EDA: variants seen among roughly 807,000 people sequenced by gnomAD.
EDA encodes the protein ectodysplasin-A.
EDA carries 2 observed loss-of-function variants against 23.6 expected under a neutral mutation model. The ratio of observed to expected loss-of-function variants is 0.08; its 90% CI spans 0.03 to 0.27. EDA has a LOEUF of 0.27. Ranked by LOEUF, EDA falls within the 10% of genes least tolerant of loss-of-function variation. The pLI is 1.00. For synonymous variants in EDA, 131 were observed against 132.0 expected (o/e 0.99, Z 0.05); for missense variants, 229 against 324.2 (o/e 0.71, Z 2.26).
intron 1 of EDA, among the ~76,000 whole-genome samples, chrX:69,829,578 T>A (rs779574360): frequency 6.2e-5 from 7 of 112,022 alleles, no homozygotes; most frequent in South Asian, 3.7e-4. Context: ...TGTATGTGAG[T>A]GCTTGGTTAC....
At chrX:69,799,531 C>A (rs1358020032) in intron 1 of EDA, among the ~76,000 whole-genome samples, 1 of 110,025 alleles carries the variant, frequency 9.1e-6, no homozygotes, top group Non-Finnish European at 1.9e-5. Context: ...ATGATCTTAT[C>A]AAAAATGGGC....
chrX:69,921,874 A>G (rs1001264565), intron 1 of EDA, among the ~76,000 whole-genome samples: 2 of 111,370 alleles, frequency 1.8e-5, no homozygotes, highest in African/African-American at 3.3e-5. Context: ...TGAAAAATGC[A>G]TAGTGTTGTA....
At chrX:70,020,234 T>C (rs957356870) in intron 2 of EDA, among the ~76,000 whole-genome samples, 2 of 111,650 alleles carry the variant, frequency 1.8e-5, no homozygotes, top group Admixed American at 1.9e-4. Flanking sequence ...TGACACATCC[T>C]AAAAAACCTT....
intron 1 of EDA, among the ~76,000 whole-genome samples, chrX:69,675,682 G>A (rs1482393275): frequency 9.0e-6 from 1 of 111,137 alleles, no homozygotes; most frequent in Non-Finnish European, 1.9e-5. Flanking sequence ...AGATATAGCA[G>A]TGAACATAAC....
chrX:69,891,907 C>G (rs1288098833), intron 1 of EDA, among the ~76,000 whole-genome samples: 1 of 110,680 alleles, frequency 9.0e-6, no homozygotes, highest in Admixed American at 9.6e-5. Context: ...TGCACATGTA[C>G]CCCTGAACTT....
intron 1 of EDA, among the ~76,000 whole-genome samples, chrX:69,785,887 C>A (rs1159912822): frequency 9.1e-6 from 1 of 109,479 alleles, no homozygotes; most frequent in Admixed American, 9.8e-5. Flanking sequence ...CCTCCTTGTA[C>A]CTCTGGTAGA....
At chrX:69,821,413 G>T (rs1167179115) in intron 1 of EDA, among the ~76,000 whole-genome samples, 1 of 109,422 alleles carries the variant, frequency 9.1e-6, no homozygotes. Context: ...AAAAGCTGAA[G>T]AAAAAAAATA....
chrX:69,663,050 G>T (rs1373728521), intron 1 of EDA, among the ~76,000 whole-genome samples: 2 of 112,484 alleles, frequency 1.8e-5, no homozygotes, highest in Non-Finnish European at 3.7e-5. Flanking sequence ...AAGGGAAGCA[G>T]AGCATAAAAG....
chrX:69,937,835 T>C lies in EDA; in HGVS notation c.397-19192T>C, dbSNP rs61741682. 5.7e-3 allele frequency: 6,817 copies of C among 1,195,151 alleles called. 255 individuals are homozygous for C. In the African/African-American group the frequency reaches 0.11, roughly 18 times the overall value. ...CTACATTACACCGCAATAGTTGGTA[T>C]TGATAGTCAGCATTGCTCCTGAATC... is the stretch of plus-strand genomic sequence containing the variant. On this transcript the variant is annotated intron_variant, in intron 1 of 7. Coordinates refer to ENST00000374552, the MANE Select transcript of EDA (RefSeq NM_001399.5).
At chrX:69,851,144 C>A (rs1216918367) in intron 1 of EDA, among the ~76,000 whole-genome samples, 2 of 83,624 alleles carry the variant, frequency 2.4e-5, no homozygotes, top group Non-Finnish European at 4.8e-5. Flanking sequence ...GTCACAAAAT[C>A]TAGATCAAGG....
At chrX:69,694,035 T>C (rs1330616159) in intron 1 of EDA, among the ~76,000 whole-genome samples, 2 of 111,997 alleles carry the variant, frequency 1.8e-5, no homozygotes, top group Admixed American at 9.5e-5. Flanking sequence ...ACATTGGTTA[T>C]AAACCATTTT....
intron 1 of EDA, among the ~76,000 whole-genome samples, chrX:69,867,665 C>T (rs1052351209): frequency 1.8e-5 from 2 of 112,401 alleles, no homozygotes; most frequent in Non-Finnish European, 3.8e-5. Context: ...TCAGGTGGTG[C>T]CTGCATATCA....
chrX:69,647,876 G>T (rs753435360), intron 1 of EDA, among the ~76,000 whole-genome samples: 4 of 111,720 alleles, frequency 3.6e-5, no homozygotes, highest in East Asian at 2.8e-4. Flanking sequence ...TTTTTGTGGG[G>T]TTTTTTGTTG....
chrX:70,033,624 A>T, intron 7 of EDA, 96 bp downstream of exon 7: 121 of 882,955 alleles, frequency 1.4e-4, no homozygotes, highest in Middle Eastern at 7.9e-4. Flanking sequence ...AGACCATCCA[A>T]TGGCTAACTT....
intron 1 of EDA, among the ~76,000 whole-genome samples, chrX:69,805,008 A>T (rs951200232): frequency 1.8e-5 from 2 of 111,452 alleles, no homozygotes; most frequent in African/African-American, 6.5e-5. Flanking sequence ...ATAAAGTAGC[A>T]CTTTCAGGAC....
At chrX:69,979,018 C>T (rs1297311945) in intron 2 of EDA, among the ~76,000 whole-genome samples, 4 of 111,149 alleles carry the variant, frequency 3.6e-5, no homozygotes, top group African/African-American at 6.6e-5. Context: ...CTTTTTCCTC[C>T]TTCCAAAAAG....
At chrX:69,679,413 G>A (rs186593023) in intron 1 of EDA, among the ~76,000 whole-genome samples, 286 of 111,091 alleles carry the variant, frequency 2.6e-3, no homozygotes, top group Non-Finnish European at 3.7e-3. Flanking sequence ...GTTCCTCCTC[G>A]TACCTCTGGT....
chrX:70,035,334 C>T, intron 7 of EDA, 24 bp from the exon 8 acceptor site: 1 of 1,205,773 alleles, frequency 8.3e-7, no homozygotes. Context: ...CTTCCCCAAT[C>T]CCTTCTTGTT....
intron 1 of EDA, among the ~76,000 whole-genome samples, chrX:69,770,202 A>G (rs905040126): frequency 1.8e-5 from 2 of 111,935 alleles, no homozygotes; most frequent in Admixed American, 9.5e-5. Flanking sequence ...GAACATTTGT[A>G]TATAGGTTTT....
Sources: gnomAD v4.1 joint callset for allele counts (sites outside exome capture counted in the v4.1 genomes callset) on GRCh38, gnomAD v4.1.1 for gene constraint, MANE v1.5 for transcripts, NCBI Gene and HGNC (gene_info 2026-07-23, HGNC 2026-07-21) for gene names.